Variants in USF1 observed in about 807,000 individuals in gnomAD.
USF1 encodes upstream transcription factor 1.
In USF1, 22 loss-of-function variants were observed where a neutral mutation model predicts 46.3. The observed-to-expected ratio is 0.47, with a 90% CI of 0.34 to 0.68. The LOEUF is 0.68. Among genes scored for constraint, USF1 ranks in the 30% least tolerant of loss-of-function variants. The pLI is 0.01. For missense variants in USF1, 287 were observed against 399.3 expected (o/e 0.72, Z 2.40); for synonymous variants, 150 against 147.0 (o/e 1.02, Z -0.15).
At chr1:161,045,597 G>A (rs982394321) in intron 1 of USF1, among the ~76,000 whole-genome samples, 1 of 152,216 alleles carries the variant, frequency 6.6e-6, no homozygotes, top group Non-Finnish European at 1.5e-5. Flanking sequence ...CGGGGACTAG[G>A]GAGCTCAAGC....
chr1:161,044,697 A>G (rs1650723451), intron 1 of USF1, among the ~76,000 whole-genome samples: 1 of 152,214 alleles, frequency 6.6e-6, no homozygotes, highest in South Asian at 2.1e-4. Flanking sequence ...GTAAAAAAAA[A>G]AAAAACAGGG....
intron 2 of USF1, 158 bp downstream of exon 2, chr1:161,043,110 A>G (rs1391618736): frequency 5.9e-6 from 8 of 1,348,566 alleles, no homozygotes; most frequent in Non-Finnish European, 8.4e-6. Context: ...AGATAGCACT[A>G]CTTCCATTTT....
chr1:161,043,120 TATAG>T (rs1278044658), intron 2 of USF1, 144 bp downstream of exon 2: 3 of 1,435,146 alleles, frequency 2.1e-6, no homozygotes, highest in Non-Finnish European at 2.9e-6. Context: ...ACTTCCATTT[TATAG>T]ATAGAGAAAC....
In USF1 at chr1:161,040,430, A is replaced by G. The variant is rs1280878811; in HGVS notation, c.715-100T>C. On this transcript the variant is annotated intron_variant, in intron 9 of 10. Coordinates refer to ENST00000368021, the MANE Select transcript of USF1 (RefSeq NM_007122.5). The surrounding 1 kb of genome is among the most constrained non-coding windows in gnomAD (Gnocchi z 4.0). ...TTTGGACCTCATTTTCATCTAAGGA[A>G]GGTGGTATAATATCTCCCAGGGATA... The G allele has an allele frequency of 1.9e-6, 3 of 1,580,668 alleles. No homozygotes were observed. The highest frequency in any genetic ancestry group is 1.3e-5 in the African/African-American group (1 of 74,114).
chr1:161,041,384 T>C lies in USF1; in HGVS notation c.500A>G (p.Gln167Arg). The change falls in exon 7 of 11, where the codon CAA (glutamine) becomes CGA (arginine). Residue 167 changes from glutamine to arginine, a missense_variant. Transcript: ENST00000368021. ...TGQFFVMMSP[Q>R]EVLQGGSQRS... ...CTGGCTTCCTCCCTGCAGTACTTCT[T>C]GTGGTGACATCATCACAAAGAATTG... 6.2e-7 allele frequency: 1 copy of C among 1,613,756 alleles called. No individual in the cohort carries two copies. The highest frequency in any genetic ancestry group is 8.5e-7 in the Non-Finnish European group (1 of 1,179,924).
Position 161,039,606 on chromosome 1 carries a change from A to C in USF1, c.*314T>G, listed in dbSNP as rs1650433054. On this transcript the variant is annotated 3_prime_UTR_variant, in exon 11 of 11. Transcript: ENST00000368021. ...CAAACCTCTGCTGGGCACTCTAAGC[A>C]AGCACAGGACAAGCCCCAGAGTTTA... The C allele has an allele frequency of 3.1e-6, 1 of 323,102 alleles. No individual in the cohort carries two copies. Among genetic ancestry groups the C allele is most frequent in the African/African-American group, 2.1e-5 (1 of 46,570 alleles). The allele number at this position is 323,102 out of a possible 1,614,324, so 20.0% of individuals were successfully genotyped here.
chr1:161,041,864 A>T lies in USF1; in HGVS notation c.277-18T>A, dbSNP rs754089231. Reference sequence around the variant, plus strand: ...ATCACCGCCTGGGAAGGGGAGCAAGAAAACTGATTCTGGTAACAGTCAAAA... The same window carrying T: ...ATCACCGCCTGGGAAGGGGAGCAAGTAAACTGATTCTGGTAACAGTCAAAA... On this transcript the variant is annotated intron_variant, in intron 5 of 10. Coordinates refer to ENST00000368021, the MANE Select transcript of USF1 (RefSeq NM_007122.5). 2 of 1,603,768 alleles carry T rather than the reference A, an allele frequency of 1.2e-6. No homozygotes were observed. The highest frequency in any genetic ancestry group is 3.4e-5 in the Admixed American group (2 of 59,686).
chr1:161,040,268 G>C lies in USF1; in HGVS notation c.777C>G (p.His259Gln). 1 of 1,614,198 alleles carries C rather than the reference G, an allele frequency of 6.2e-7. No individual in the cohort carries two copies. Among genetic ancestry groups the C allele is most frequent in the South Asian group, 1.1e-5 (1 of 91,082 alleles). Residue 259 changes from histidine (H) to glutamine (Q), a missense_variant, in exon 10 of 11, where the codon CAC (histidine) becomes CAG (glutamine). Transcript: ENST00000368021. This position sits in a 1 kb window ranked among gnomAD's most constrained non-coding sequence, Gnocchi z 4.0. ...DYIQELRQSN[H>Q]RLSEELQGLD... The stretch of plus-strand genomic sequence containing the variant: ...GTCCCTGCAGTTCTTCAGACAAGCG[G>C]TGGTTACTCTGCCGAAGCTCCTGGA...
At chr1:161,042,397 T>G (rs905200687) in intron 4 of USF1, among the ~76,000 whole-genome samples, 158 bp downstream of exon 4, 7 of 152,092 alleles carry the variant, frequency 4.6e-5, no homozygotes, top group Non-Finnish European at 1.0e-4. Context: ...ACATCTAACC[T>G]CACACCAGTC....
chr1:161,044,612 C>G (rs150685888), intron 1 of USF1, among the ~76,000 whole-genome samples: 1 of 152,162 alleles, frequency 6.6e-6, no homozygotes, highest in South Asian at 2.1e-4. Flanking sequence ...ATTCATCAAG[C>G]CTTCCTGCAG....
rs1435471647 is a variant in USF1, at chr1:161,042,641, T to C, written c.88A>G (p.Ser30Gly). The change falls in exon 4 of 11, where the codon AGT (serine) becomes GGT (glycine). Residue 30 changes from serine to glycine, a missense_variant. By Grantham distance (56) the Ser-to-Gly change is moderately conservative (BLOSUM62 0). Transcript: ENST00000368021. ...GAVATGEDPT[S>G]VAIASIQSAA... The stretch of plus-strand genomic sequence containing the variant: ...GACTGGATGCTGGCAATAGCCACAC[T>C]GGTTGGGTCTTCCCCAGTAGCCACT... 6.2e-7 allele frequency: 1 copy of C among 1,614,200 alleles called. No individual in the cohort carries two copies. The highest frequency in any genetic ancestry group is 8.5e-7 in the Non-Finnish European group (1 of 1,180,034).
chr1:161,041,517 G>C (rs939598048), intron 6 of USF1, 106 bp from the exon 7 acceptor site: 3 of 1,479,168 alleles, frequency 2.0e-6, no homozygotes, highest in Non-Finnish European at 2.8e-6. Flanking sequence ...GCTAATAGAA[G>C]AGCAGCCCCA....
rs1349579527 is a variant in USF1 at position 161,039,910 on chromosome 1, A to T, written c.*10T>A. ...CAGTTCTTGGGCCCAAAGCCCCTGA[A>T]TCCCCATAGTTAGTTGCTGTCATTC... On this transcript the variant is annotated 3_prime_UTR_variant, in exon 11 of 11. Transcript: ENST00000368021. The T allele has an allele frequency of 6.2e-7, 1 of 1,614,102 alleles. No individual in the cohort carries two copies.
Position 161,039,779 on chromosome 1 carries a change from G to A in USF1, c.*141C>T. On this transcript the variant is annotated 3_prime_UTR_variant, in exon 11 of 11. Transcript: ENST00000368021. ...CCACTGCAGGCCGCCATATCACAGG[G>A]CCTCAGTTCAAGGACACACCTTCTG... is the stretch of plus-strand genomic sequence containing the variant. 1 of 806,950 alleles carries A rather than the reference G, an allele frequency of 1.2e-6. No individual in the cohort carries two copies. The allele number at this position is 806,950 out of a possible 1,614,324, so 50.0% of individuals were successfully genotyped here. A position where few individuals can be genotyped will look rare whatever the true frequency, so the allele number is the denominator to read the frequency against.
rs1650570794 is a variant in USF1 at position 161,041,702 on chromosome 1, TAAC to T, written c.418_420del (p.Val140del). 4.3e-6 allele frequency: 7 copies of T among 1,613,736 alleles called. No homozygotes were observed. In the South Asian group the frequency reaches 7.7e-5, roughly 18 times the overall value. ...AGCAGTGCCTCTGAGCCCTGGGTAG[TAAC>T]AACAGCAGCTGTACTCCCCGATGTG... On this transcript the variant is annotated inframe_deletion, in exon 6 of 11. Transcript: ENST00000368021.
chr1:161,042,307 G>A lies in USF1; in HGVS notation c.175-90C>T. The A allele has an allele frequency of 2.2e-6, 3 of 1,343,276 alleles. No individual in the cohort carries two copies. The South Asian group carries it at 4.2e-5, about 19-fold the overall frequency. The allele number at this position is 1,343,276 out of a possible 1,614,324, so 83.2% of individuals were successfully genotyped here. A position where few individuals can be genotyped will look rare whatever the true frequency, so the allele number is the denominator to read the frequency against. ...AGGGCCCCTCATAAAGCTTCCCTTGGATAGGGCCCCAAAACAAAGTCCTTC... is the reference window on the plus strand; with the variant it reads ...AGGGCCCCTCATAAAGCTTCCCTTGAATAGGGCCCCAAAACAAAGTCCTTC... On this transcript the variant is annotated intron_variant, in intron 4 of 10. Transcript: ENST00000368021.
chr1:161,042,221 GA>G lies in USF1; in HGVS notation c.175-5del. On this transcript the variant is annotated splice_region_variant and splice_polypyrimidine_tract_variant and intron_variant, in intron 4 of 10. Transcript: ENST00000368021. ...CCTGGATCACCCTGTACATCACCTA[GA>G]AGTGTAGAGGAAGGCAGAGGGAGTG... 6.2e-7 allele frequency: 1 copy of G among 1,610,146 alleles called. No homozygotes were observed.
At position 161,040,108 on chromosome 1, in the gene USF1, G is replaced by A; in HGVS notation, c.843+94C>T. 1 of 1,609,474 alleles carries A rather than the reference G, an allele frequency of 6.2e-7. No individual in the cohort carries two copies. Among genetic ancestry groups the A allele is most frequent in the Non-Finnish European group, 8.5e-7 (1 of 1,176,710 alleles). ...CATCCACTGGTGAGGGGGAAAAGAT[G>A]AAGCCTTCTCCATGGAGAACAAAGT... On this transcript the variant is annotated intron_variant, in intron 10 of 10. Transcript: ENST00000368021. The surrounding 1 kb of genome is among the most constrained non-coding windows in gnomAD (Gnocchi z 4.0).
Position 161,040,713 on chromosome 1 carries a change from G to A in USF1, c.620-43C>T, listed in dbSNP as rs375339608. The A allele has an allele frequency of 1.4e-5, 22 of 1,611,498 alleles. No homozygotes were observed. Among genetic ancestry groups the A allele is most frequent in the African/African-American group, 2.7e-5 (2 of 74,824 alleles). ...GGACAAGGTGACTCAGTGAAAACTCGCCACAAGTCCCAGGGTAAAATTACC... is the reference window on the plus strand; with the variant it reads ...GGACAAGGTGACTCAGTGAAAACTCACCACAAGTCCCAGGGTAAAATTACC... On this transcript the variant is annotated intron_variant, in intron 8 of 10. Coordinates refer to ENST00000368021, the MANE Select transcript of USF1 (RefSeq NM_007122.5). This position sits in a 1 kb window ranked among gnomAD's most constrained non-coding sequence, Gnocchi z 4.0.
Sources: gnomAD v4.1 joint callset for allele counts (sites outside exome capture counted in the v4.1 genomes callset) on GRCh38, gnomAD v4.1.1 for gene constraint, Gnocchi (gnomAD v3.1) non-coding constraint, MANE v1.5 for transcripts, NCBI Gene and HGNC (gene_info 2026-07-23, HGNC 2026-07-21) for gene names.